The following CDK5RAP2 variants were observed in gnomAD, a reference collection of about 807,000 sequenced individuals.
CDK5RAP2 encodes CDK5 regulatory subunit associated protein 2.
A neutral mutation model predicts 232.9 loss-of-function variants in CDK5RAP2; 147 were observed. That is an observed-to-expected ratio of 0.63 (90% CI 0.55 to 0.72). The LOEUF (loss-of-function observed/expected upper bound fraction) is 0.72, where lower values mean the gene tolerates loss of function less well. CDK5RAP2 is among the 30% of genes least tolerant of loss of function. The pLI is 0.00. For missense variants in CDK5RAP2, 2,195 were observed against 2,231.5 expected (o/e 0.98, Z 0.33); for synonymous variants, 833 against 833.7 (o/e 1.00, Z 0.01).
chr9:120,525,769 A>G (rs2040873875), intron 10 of CDK5RAP2, among the ~76,000 whole-genome samples: 1 of 152,136 alleles, frequency 6.6e-6, no homozygotes, highest in Admixed American at 6.6e-5. Flanking sequence ...GGCGCACGCC[A>G]CCATATCCAG....
At chr9:120,536,576 A>G (rs1346938837) in intron 6 of CDK5RAP2, 50 bp from the exon 7 acceptor site, 6 of 1,551,122 alleles carry the variant, frequency 3.9e-6, no homozygotes, top group Middle Eastern at 1.7e-4. Flanking sequence ...ACAATTGGGA[A>G]CATTTTGAAA....
intron 1 of CDK5RAP2, among the ~76,000 whole-genome samples, chr9:120,575,207 A>G (rs1266697790): frequency 6.6e-6 from 1 of 151,660 alleles, no homozygotes; most frequent in African/African-American, 2.4e-5. Flanking sequence ...ATGCACCACC[A>G]CGCCCGGCTA....
chr9:120,389,343 T>C (rs369834474), intron 37 of CDK5RAP2, 51 bp from the exon 38 acceptor site: 29 of 1,466,200 alleles, frequency 2.0e-5, no homozygotes, highest in Middle Eastern at 1.7e-4. Context: ...AGGAGGTTTC[T>C]GAAGTAAGAC....
At chr9:120,577,409 T>C (rs1312338865) in intron 1 of CDK5RAP2, among the ~76,000 whole-genome samples, 1 of 151,650 alleles carries the variant, frequency 6.6e-6, no homozygotes, top group Non-Finnish European at 1.5e-5. Context: ...ATGGTGATTG[T>C]CAGAGGCTGG....
chr9:120,512,862 A>G (rs116429449), intron 12 of CDK5RAP2, among the ~76,000 whole-genome samples: 68 of 152,274 alleles, frequency 4.5e-4, no homozygotes, highest in African/African-American at 1.6e-3. Context: ...CAATCTTTGT[A>G]AACTGTAAAG....
intron 14 of CDK5RAP2, among the ~76,000 whole-genome samples, chr9:120,486,409 TAAAAAAAAAAAA>T (rs34029371): frequency 0.019 from 2,522 of 132,868 alleles, 96 homozygotes; most frequent in African/African-American, 0.065. Context: ...GTTTTTCTTT[TAAAAAAAAAAAA>T]AAAAAAAAAC....
Position 120,407,227 on chromosome 9 carries a change from T to C in CDK5RAP2, c.4748A>G (p.Lys1583Arg). Reference sequence around the variant, plus strand: ...CAGGTCCCTGAAAGGATCCTGCCCCTTCCAGCCTTCTCCCGACGCCTCTGA... The same window carrying C: ...CAGGTCCCTGAAAGGATCCTGCCCCCTCCAGCCTTCTCCCGACGCCTCTGA... ...RLREASGEGW[K>R]GQDPFRDLHS... The change falls in exon 32 of 38, where the codon AAG becomes AGG. Residue 1583 changes from lysine (K) to arginine (R), a missense_variant. Lys to Arg is a conservative substitution (Grantham distance 26). Transcript: ENST00000349780. 6.2e-7 allele frequency: 1 copy of C among 1,612,952 alleles called. No homozygotes were observed.
chr9:120,389,698 T>G, intron 37 of CDK5RAP2, 43 bp downstream of exon 37: 1 of 1,592,100 alleles, frequency 6.3e-7, no homozygotes, highest in Non-Finnish European at 8.6e-7. Flanking sequence ...GCACTCCTCC[T>G]GACCTTCCAC....
chr9:120,481,501 T>A (rs2038304192), intron 14 of CDK5RAP2, among the ~76,000 whole-genome samples: 1 of 151,032 alleles, frequency 6.6e-6, no homozygotes, highest in South Asian at 2.1e-4. Context: ...AATATTGTTT[T>A]CTTTTTTTTT....
At position 120,411,309 on chromosome 9, in the gene CDK5RAP2, A is replaced by T. The variant is rs773214022; in HGVS notation, c.4414+49T>A. The T allele has an allele frequency of 2.7e-6, 3 of 1,124,462 alleles. No individual in the cohort carries two copies. The African/African-American group carries it at 4.6e-5, about 17-fold the overall frequency. The allele number at this position is 1,124,462 out of a possible 1,614,324, so 69.7% of individuals were successfully genotyped here. On this transcript the variant is annotated intron_variant, in intron 29 of 37. Transcript: ENST00000349780. ...CCAATGCCTGCATTCTTTCCATGACACAGAAGGCTTTGGCGTTCCAGACTT... is the reference window on the plus strand; with the variant it reads ...CCAATGCCTGCATTCTTTCCATGACTCAGAAGGCTTTGGCGTTCCAGACTT...
chr9:120,483,384 A>T (rs2131595415), intron 14 of CDK5RAP2, among the ~76,000 whole-genome samples: 1 of 152,348 alleles, frequency 6.6e-6, no homozygotes, highest in East Asian at 1.9e-4. Flanking sequence ...GACAGCTGGA[A>T]GTCTCTGGGT....
chr9:120,438,073 C>G lies in CDK5RAP2; in HGVS notation c.3723-546G>C, dbSNP rs555473238. On this transcript the variant is annotated intron_variant, in intron 24 of 37. Coordinates refer to ENST00000349780, the MANE Select transcript of CDK5RAP2 (RefSeq NM_018249.6). ...TCTTCCAACAAATGTATAAATGTCC[C>G]CTTTTACAGAAGAATAAACTGACTG... 1.2e-4 allele frequency among the ~76,000 whole-genome samples: 18 copies of G among 152,242 alleles called. No homozygotes were observed. In the South Asian group the frequency reaches 1.7e-3, roughly 14 times the overall value.
intron 25 of CDK5RAP2, among the ~76,000 whole-genome samples, chr9:120,436,795 T>C (rs2035608169): frequency 6.6e-6 from 1 of 152,202 alleles, no homozygotes; most frequent in Non-Finnish European, 1.5e-5. Flanking sequence ...AAATTTTACC[T>C]AGCACATAGC....
chr9:120,519,758 A>G (rs1284652119), intron 11 of CDK5RAP2, among the ~76,000 whole-genome samples: 3 of 152,218 alleles, frequency 2.0e-5, no homozygotes, highest in Non-Finnish European at 4.4e-5. Flanking sequence ...GCACATAGCT[A>G]TGGCACATGT....
At chr9:120,456,022 CAAT>C (rs1416223162) in intron 20 of CDK5RAP2, among the ~76,000 whole-genome samples, 1 of 151,828 alleles carries the variant, frequency 6.6e-6, no homozygotes, top group African/African-American at 2.4e-5. Context: ...GAAATAGAAA[CAAT>C]AAAGCAATCT....
chr9:120,490,136 T>C (rs557127961), intron 13 of CDK5RAP2, among the ~76,000 whole-genome samples: 47 of 152,298 alleles, frequency 3.1e-4, no homozygotes, highest in African/African-American at 9.1e-4. Flanking sequence ...TTTCTCCTAT[T>C]TGATAAACTC....
chr9:120,452,238 G>GTCTCTCTCTCTCTCTCTC (rs373806149), intron 21 of CDK5RAP2, among the ~76,000 whole-genome samples: 177 of 142,940 alleles, frequency 1.2e-3, no homozygotes, highest in African/African-American at 4.3e-3. Context: ...TATAATGGCA[G>GTCTCTCTCTCTCTCTCTC]TCTCTCTCTC....
intron 35 of CDK5RAP2, among the ~76,000 whole-genome samples, chr9:120,397,050 C>T (rs992873113): frequency 2.6e-5 from 4 of 152,176 alleles, no homozygotes; most frequent in African/African-American, 4.8e-5. Context: ...GCCCAGTGTC[C>T]GCAGGAGGTC....
At chr9:120,484,311 CG>C (rs1434771729) in intron 14 of CDK5RAP2, among the ~76,000 whole-genome samples, 24 of 152,238 alleles carry the variant, frequency 1.6e-4, no homozygotes, top group African/African-American at 5.8e-4. Context: ...CCGGGGGAGT[CG>C]GGGGTACGAC....
Sources: allele counts gnomAD v4.1 joint callset (sites outside exome capture counted in the v4.1 genomes callset), GRCh38; gene constraint gnomAD v4.1.1; transcripts MANE v1.5; gene names NCBI Gene and HGNC (gene_info 2026-07-23, HGNC 2026-07-21).